Variants in PCYT1B observed in about 807,000 individuals in gnomAD.
PCYT1B encodes phosphate cytidylyltransferase 1B, choline.
PCYT1B carries 10 observed loss-of-function variants against 26.4 expected under a neutral mutation model. The ratio of observed to expected loss-of-function variants is 0.38; its 90% confidence interval spans 0.23 to 0.64. The LOEUF (loss-of-function observed/expected upper bound fraction) is 0.64. Ranked by LOEUF, PCYT1B falls within the 30% of genes least tolerant of loss-of-function variation. The pLI, the probability that PCYT1B is intolerant of heterozygous loss-of-function variation, is 0.56. For synonymous variants in PCYT1B, 131 were observed against 108.4 expected (o/e 1.21, Z -1.29); for missense variants, 161 against 292.7 (o/e 0.55, Z 3.28).
At chrX:24,591,073 G>A (rs951254181) in intron 3 of PCYT1B, among the ~76,000 whole-genome samples, 14 of 111,259 alleles carry the variant, frequency 1.3e-4, no homozygotes, top group South Asian at 3.8e-4. Context: ...GATTATAGGC[G>A]TGAGCCACCA....
chrX:24,587,105 G>A, intron 5 of PCYT1B, 136 bp downstream of exon 5: 1 of 456,265 alleles, frequency 2.2e-6, no homozygotes, highest in East Asian at 3.7e-5. Context: ...GTGGCTTGTA[G>A]AAGCCGCCTG....
At chrX:24,672,540 C>CA (rs747533703) in intron 1 of PCYT1B, 1 of 1,156,817 alleles carries the variant, frequency 8.6e-7, no homozygotes, top group Non-Finnish European at 1.2e-6. Flanking sequence ...TTCAATAAGG[C>CA]AAAAATCAAT....
chrX:24,610,571 CT>C (rs748564520), intron 2 of PCYT1B, among the ~76,000 whole-genome samples: 1 of 111,863 alleles, frequency 8.9e-6, no homozygotes, highest in Admixed American at 9.6e-5. Flanking sequence ...TTTTGTAAAA[CT>C]TTTTGTTATT....
upstream of PCYT1B, among the ~76,000 whole-genome samples, chrX:24,648,449 A>ATTTTTTTTTTTTTTT (rs57744798): frequency 2.5e-4 from 10 of 39,723 alleles, 2 homozygotes; most frequent in African/African-American, 1.4e-3. Flanking sequence ...ATTTGAAGGA[A>ATTTTTTTTTTTTTTT]TTTTTTTTTT....
chrX:24,660,613 G>T (rs759412264), intron 1 of PCYT1B, among the ~76,000 whole-genome samples: 1 of 107,727 alleles, frequency 9.3e-6, no homozygotes, highest in South Asian at 4.1e-4. Context: ...AGGAGGTGGA[G>T]GTTGCAGTGA....
intron 1 of PCYT1B, among the ~76,000 whole-genome samples, chrX:24,634,135 T>C (rs987836394): frequency 9.0e-6 from 1 of 110,996 alleles, no homozygotes; most frequent in Non-Finnish European, 1.9e-5. Context: ...CCCAGGATGG[T>C]CTGGAACTCC....
intron 1 of PCYT1B, among the ~76,000 whole-genome samples, chrX:24,663,788 G>A (rs946851312): frequency 2.7e-5 from 3 of 110,825 alleles, no homozygotes; most frequent in Non-Finnish European, 5.7e-5. Flanking sequence ...GCGTGGTGGC[G>A]GGCACTTGTG....
intron 5 of PCYT1B, among the ~76,000 whole-genome samples, chrX:24,581,656 T>C (rs938644640): frequency 8.9e-6 from 1 of 112,420 alleles, no homozygotes; most frequent in African/African-American, 3.2e-5. Context: ...TTGTTGACTA[T>C]AAGCTACACT....
chrX:24,630,723 G>A (rs1399685207), intron 1 of PCYT1B, among the ~76,000 whole-genome samples: 12 of 112,274 alleles, frequency 1.1e-4, no homozygotes, highest in African/African-American at 2.9e-4. Context: ...CAGCAAAGAG[G>A]AAAACAAAGT....
chrX:24,588,738 G>A (rs894186280), intron 4 of PCYT1B, among the ~76,000 whole-genome samples: 14 of 111,341 alleles, frequency 1.3e-4, no homozygotes, highest in Non-Finnish European at 2.4e-4. Flanking sequence ...ACTAGAAGCC[G>A]GTAGCACCCC....
chrX:24,594,567 T>C (rs1309811461), intron 3 of PCYT1B, among the ~76,000 whole-genome samples: 1 of 111,970 alleles, frequency 8.9e-6, no homozygotes, highest in Non-Finnish European at 1.9e-5. Flanking sequence ...AATGGCCTAC[T>C]GATAGAGCAC....
At chrX:24,625,144 C>T (rs1925843703) in intron 1 of PCYT1B, among the ~76,000 whole-genome samples, 1 of 111,970 alleles carries the variant, frequency 8.9e-6, no homozygotes, top group East Asian at 2.8e-4. Flanking sequence ...ACATTTTAAT[C>T]AGGATATGCA....
intron 2 of PCYT1B, among the ~76,000 whole-genome samples, chrX:24,613,950 CAAAAAAAAAAAA>C (rs200062439): frequency 1.2e-4 from 9 of 77,217 alleles, no homozygotes; most frequent in Non-Finnish European, 2.1e-4. Flanking sequence ...AACAACCTGT[CAAAAAAAAAAAA>C]AAAAAAAAAA....
chrX:24,648,410 T>C (rs887523825), upstream of PCYT1B, among the ~76,000 whole-genome samples: 8 of 101,713 alleles, frequency 7.9e-5, no homozygotes, highest in Non-Finnish European at 7.9e-5. Context: ...GTATTCACAT[T>C]CACAAAATTC....
intron 1 of PCYT1B, among the ~76,000 whole-genome samples, chrX:24,627,725 G>A (rs761873180): frequency 8.9e-6 from 1 of 112,223 alleles, no homozygotes; most frequent in Admixed American, 9.5e-5. Flanking sequence ...GGTGTCTGGT[G>A]TAATAATCAG....
At chrX:24,670,574 A>G (rs890047712) in intron 1 of PCYT1B, among the ~76,000 whole-genome samples, 38 of 112,212 alleles carry the variant, frequency 3.4e-4, no homozygotes, top group African/African-American at 1.2e-3. Context: ...AAAAATGTTA[A>G]TAAAATCATT....
chrX:24,613,950 CAAAAAAAAAAA>C (rs200062439), intron 2 of PCYT1B, among the ~76,000 whole-genome samples: 2 of 77,213 alleles, frequency 2.6e-5, no homozygotes, highest in Non-Finnish European at 5.2e-5. Context: ...AACAACCTGT[CAAAAAAAAAAA>C]AAAAAAAAAA....
intron 5 of PCYT1B, among the ~76,000 whole-genome samples, chrX:24,582,489 G>A (rs1692010549): frequency 8.9e-6 from 1 of 112,239 alleles, no homozygotes; most frequent in Non-Finnish European, 1.9e-5. Flanking sequence ...ATTCGGTAAT[G>A]AGCATGATCA....
Position 24,617,741 on chromosome X carries a change from C to T in PCYT1B, c.217+1244G>A, listed in dbSNP as rs190420400. On this transcript the variant is annotated intron_variant, in intron 2 of 7. Transcript: ENST00000379144. The stretch of plus-strand genomic sequence containing the variant: ...GGGATTACAGGCATGAGCCACCGCG[C>T]CCGGCCGAGTTATGCCATGTTAAAT... Among the ~76,000 whole-genome samples the T allele has an allele frequency of 4.5e-5, 5 of 111,228 alleles. No homozygotes were observed. In the East Asian group the frequency reaches 1.4e-3, roughly 31 times the overall value.
Sources: allele counts gnomAD v4.1 joint callset (sites outside exome capture counted in the v4.1 genomes callset), GRCh38; gene constraint gnomAD v4.1.1; transcripts MANE v1.5; gene names NCBI Gene and HGNC (gene_info 2026-07-23, HGNC 2026-07-21).